KCND3: variants seen among roughly 807,000 people sequenced by gnomAD.
The protein encoded by KCND3 is A-type voltage-gated potassium channel KCND3.
KCND3 carries 9 observed loss-of-function variants against 51.1 expected under a neutral mutation model. The observed-to-expected ratio is 0.18, with a 90% CI of 0.11 to 0.31. The LOEUF (loss-of-function observed/expected upper bound fraction) is 0.31, where lower values mean the gene tolerates loss of function less well. Among genes scored for constraint, KCND3 ranks in the 10% least tolerant of loss-of-function variants. The pLI is 1.00. For missense variants in KCND3, 526 were observed against 903.8 expected, an observed-to-expected ratio of 0.58 and a Z score of 5.36; for synonymous variants, 349 against 368.0, an observed-to-expected ratio of 0.95 and a Z score of 0.59.
intron 2 of KCND3, among the ~76,000 whole-genome samples, chr1:111,916,626 T>C (rs1671230044): frequency 6.6e-6 from 1 of 151,900 alleles, no homozygotes; most frequent in East Asian, 1.9e-4. Flanking sequence ...AGCTCTTTTC[T>C]AAAAAAGATG....
chr1:111,912,779 ACTTAT>A (rs559204695), intron 2 of KCND3, among the ~76,000 whole-genome samples: 9 of 152,310 alleles, frequency 5.9e-5, no homozygotes, highest in Admixed American at 3.9e-4. Flanking sequence ...AAATAGAAAA[ACTTAT>A]ATAGAGTACG....
At chr1:111,829,083 G>A (rs959571569) in intron 2 of KCND3, among the ~76,000 whole-genome samples, 2 of 152,358 alleles carry the variant, frequency 1.3e-5, no homozygotes, top group Middle Eastern at 3.4e-3. Context: ...ACTGTAGTAA[G>A]AGAGAAAGTC....
chr1:111,908,774 AG>A (rs778066620), intron 2 of KCND3, among the ~76,000 whole-genome samples: 10 of 152,160 alleles, frequency 6.6e-5, no homozygotes, highest in African/African-American at 1.4e-4. Context: ...TATCATAGAA[AG>A]GTCACCCATT....
chr1:111,934,000 G>A (rs1448076583), intron 2 of KCND3, among the ~76,000 whole-genome samples: 1 of 152,190 alleles, frequency 6.6e-6, no homozygotes, highest in Non-Finnish European at 1.5e-5. Context: ...GAGAAAAAAT[G>A]ACAACTCCTG....
chr1:111,811,919 A>G (rs1433570419), intron 2 of KCND3, among the ~76,000 whole-genome samples: 1 of 152,188 alleles, frequency 6.6e-6, no homozygotes, highest in South Asian at 2.1e-4. Flanking sequence ...GGCCCGGGTC[A>G]GAAATGACTT....
At chr1:111,962,862 C>G (rs1164816871) in intron 2 of KCND3, among the ~76,000 whole-genome samples, 1 of 152,160 alleles carries the variant, frequency 6.6e-6, no homozygotes, top group Non-Finnish European at 1.5e-5. Context: ...CTTCCTTTGG[C>G]CATTGGGACA....
At chr1:111,779,320 CA>C (rs139131031) in intron 5 of KCND3, among the ~76,000 whole-genome samples, 7 of 149,640 alleles carry the variant, frequency 4.7e-5, no homozygotes, top group Non-Finnish European at 8.9e-5. Flanking sequence ...CCCTCCCCAC[CA>C]AAAAAAAAGG....
intron 2 of KCND3, among the ~76,000 whole-genome samples, chr1:111,876,266 G>A (rs1463594333): frequency 1.3e-5 from 2 of 152,142 alleles, no homozygotes; most frequent in East Asian, 1.9e-4. Context: ...GATCCTTTTC[G>A]GTTTAGAATT....
At chr1:111,850,948 A>G (rs890371222) in intron 2 of KCND3, among the ~76,000 whole-genome samples, 5 of 152,264 alleles carry the variant, frequency 3.3e-5, no homozygotes, top group Admixed American at 2.6e-4. Context: ...TTTCTCCTCA[A>G]TGTTGGTCTC....
intron 2 of KCND3, among the ~76,000 whole-genome samples, chr1:111,832,451 A>G (rs922653959): frequency 6.6e-6 from 1 of 152,126 alleles, no homozygotes; most frequent in African/African-American, 2.4e-5. Context: ...CATTACTATA[A>G]TTCTCCAATC....
chr1:111,834,812 G>A (rs1015263918), intron 2 of KCND3, among the ~76,000 whole-genome samples: 1 of 152,208 alleles, frequency 6.6e-6, no homozygotes, highest in Non-Finnish European at 1.5e-5. Flanking sequence ...AAGACAACCA[G>A]CAAGCCCCTC....
intron 2 of KCND3, among the ~76,000 whole-genome samples, chr1:111,941,535 A>G (rs1672521813): frequency 6.6e-6 from 1 of 152,094 alleles, no homozygotes. Context: ...CTCTCTCACT[A>G]AAGCAAACTT....
intron 2 of KCND3, among the ~76,000 whole-genome samples, chr1:111,806,618 C>T (rs1331346267): frequency 6.6e-6 from 1 of 152,152 alleles, no homozygotes; most frequent in Non-Finnish European, 1.5e-5. Context: ...TGAATAAACC[C>T]TTCTGCTGAG....
intron 2 of KCND3, among the ~76,000 whole-genome samples, chr1:111,859,164 A>G (rs1014296479): frequency 1.3e-5 from 2 of 152,186 alleles, no homozygotes; most frequent in Non-Finnish European, 2.9e-5. Context: ...ACTCTCTAGC[A>G]TGACCTACAA....
intron 2 of KCND3, among the ~76,000 whole-genome samples, chr1:111,904,278 C>T (rs1380557643): frequency 1.3e-5 from 2 of 151,930 alleles, no homozygotes; most frequent in Non-Finnish European, 2.9e-5. Flanking sequence ...ACCCAGAGGA[C>T]CCCCTATTTT....
At position 111,876,682 on chromosome 1, in the gene KCND3, T is replaced by C. The variant is rs527550572; in HGVS notation, c.1107-89576A>G. On this transcript the variant is annotated intron_variant, in intron 2 of 7. Transcript: ENST00000302127. ...AATTAGTTACTATTTTCAGACAACA[T>C]AGGGGTAGGCAAAGAGACAGATTTT... Among the ~76,000 whole-genome samples, 15 of 152,286 alleles carry C rather than the reference T, an allele frequency of 9.8e-5. No individual in the cohort carries two copies. The South Asian group carries it at 1.5e-3, about 15-fold the overall frequency.
chr1:111,778,543 C>A, intron 5 of KCND3, 51 bp from the exon 6 acceptor site: 1 of 1,553,532 alleles, frequency 6.4e-7, no homozygotes, highest in Non-Finnish European at 8.9e-7. Context: ...ATTGTACATT[C>A]CAGCATTCCC....
chr1:111,795,347 C>G (rs1665011014), intron 2 of KCND3, among the ~76,000 whole-genome samples: 3 of 152,210 alleles, frequency 2.0e-5, no homozygotes, highest in Non-Finnish European at 4.4e-5. Context: ...AGGGGTGGAC[C>G]CAGACGGGAC....
chr1:111,875,709 T>C (rs1669020119), intron 2 of KCND3, among the ~76,000 whole-genome samples: 1 of 152,238 alleles, frequency 6.6e-6, no homozygotes, highest in Admixed American at 6.5e-5. Flanking sequence ...TGGGACACTC[T>C]ACAACCAGCT....
Sources: gnomAD v4.1 joint callset for allele counts (sites outside exome capture counted in the v4.1 genomes callset) on GRCh38, gnomAD v4.1.1 for gene constraint, MANE v1.5 for transcripts, NCBI Gene and HGNC (gene_info 2026-07-23, HGNC 2026-07-21) for gene names.